The following CCSER1 variants were observed in gnomAD, a reference collection of about 807,000 sequenced individuals.
CCSER1 encodes the protein serine-rich coiled-coil domain-containing protein 1.
Under a neutral mutation model 82.0 loss-of-function variants are expected in CCSER1, and 41 were observed. The ratio of observed to expected loss-of-function variants is 0.50; its 90% CI spans 0.39 to 0.65. CCSER1 has a LOEUF of 0.65. Among genes scored for constraint, CCSER1 ranks in the 30% least tolerant of loss-of-function variants. The pLI, the probability that CCSER1 is intolerant of heterozygous loss-of-function variation, is 0.00. For synonymous variants in CCSER1, 414 were observed against 383.9 expected, an observed-to-expected ratio of 1.08 and a Z score of -0.92; for missense variants, 1,119 against 1,064.2, an observed-to-expected ratio of 1.05 and a Z score of -0.72.
intron 10 of CCSER1, among the ~76,000 whole-genome samples, chr4:91,359,548 T>C (rs1749107818): frequency 6.6e-6 from 1 of 151,852 alleles, no homozygotes; most frequent in South Asian, 2.1e-4. Context: ...CATTTTTAGG[T>C]AAATTCAAAC....
intron 10 of CCSER1, among the ~76,000 whole-genome samples, chr4:91,501,241 T>G (rs1414737381): frequency 6.6e-6 from 1 of 151,880 alleles, no homozygotes; most frequent in African/African-American, 2.4e-5. Context: ...AGAATTTCTT[T>G]TTATTTATGA....
intron 9 of CCSER1, among the ~76,000 whole-genome samples, chr4:90,934,999 A>G (rs1320063420): frequency 1.3e-5 from 2 of 151,868 alleles, no homozygotes; most frequent in African/African-American, 2.4e-5. Context: ...AACTAAACAG[A>G]CATAACGACA....
At chr4:91,178,526 CTCT>C (rs1355133472) in intron 10 of CCSER1, among the ~76,000 whole-genome samples, 2 of 152,162 alleles carry the variant, frequency 1.3e-5, no homozygotes, top group African/African-American at 4.8e-5. Context: ...GGATAGTTAG[CTCT>C]TCTTGTTGAA....
chr4:90,622,263 ATGTT>A (rs113866377), intron 5 of CCSER1, among the ~76,000 whole-genome samples: 28 of 151,978 alleles, frequency 1.8e-4, no homozygotes, highest in African/African-American at 6.8e-4. Context: ...TGGCGACCTG[ATGTT>A]TGTTTGTTTG....
intron 3 of CCSER1, among the ~76,000 whole-genome samples, chr4:90,378,916 G>T (rs1161515609): frequency 3.3e-5 from 5 of 152,016 alleles, no homozygotes; most frequent in African/African-American, 1.2e-4. Context: ...CTCAGTTCTT[G>T]CCACATCCCA....
At chr4:90,562,922 C>G (rs956013691) in intron 5 of CCSER1, among the ~76,000 whole-genome samples, 2 of 149,316 alleles carry the variant, frequency 1.3e-5, no homozygotes, top group African/African-American at 4.9e-5. Flanking sequence ...TACTCCAAAT[C>G]TGAGGCAAAG....
chr4:90,600,233 G>T (rs965811663), intron 5 of CCSER1, among the ~76,000 whole-genome samples: 1 of 152,140 alleles, frequency 6.6e-6, no homozygotes, highest in African/African-American at 2.4e-5. Flanking sequence ...GGACTGAAAT[G>T]ATATGGTCAG....
At chr4:90,513,710 T>C (rs1771868390) in intron 5 of CCSER1, among the ~76,000 whole-genome samples, 1 of 151,726 alleles carries the variant, frequency 6.6e-6, no homozygotes, top group Non-Finnish European at 1.5e-5. Context: ...AGATGAAGAG[T>C]TCATAATTCT....
At chr4:91,505,638 T>C (rs1759444377) in intron 10 of CCSER1, among the ~76,000 whole-genome samples, 1 of 152,204 alleles carries the variant, frequency 6.6e-6, no homozygotes, top group Admixed American at 6.5e-5. Flanking sequence ...ATCACCATTC[T>C]GACTGACATG....
intron 10 of CCSER1, among the ~76,000 whole-genome samples, chr4:91,162,957 T>G (rs985664705): frequency 2.0e-5 from 3 of 152,178 alleles, no homozygotes; most frequent in African/African-American, 7.2e-5. Flanking sequence ...TCTTAGTTAT[T>G]TTTTGCCTTC....
chr4:91,548,051 A>C (rs990572741), intron 10 of CCSER1, among the ~76,000 whole-genome samples: 3 of 152,174 alleles, frequency 2.0e-5, no homozygotes, highest in African/African-American at 7.2e-5. Flanking sequence ...CTAAAATCCA[A>C]GTGCTAAGAT....
intron 5 of CCSER1, among the ~76,000 whole-genome samples, chr4:90,602,282 T>G (rs1051427331): frequency 2.0e-5 from 3 of 152,182 alleles, no homozygotes; most frequent in African/African-American, 7.2e-5. Flanking sequence ...TCTTTATACC[T>G]GGTAATATTC....
intron 5 of CCSER1, among the ~76,000 whole-genome samples, chr4:90,509,081 A>G (rs1012675725): frequency 2.6e-5 from 4 of 152,116 alleles, no homozygotes; most frequent in Admixed American, 2.0e-4. Flanking sequence ...TCAGGTGGAA[A>G]TCGCAATCAT....
At chr4:90,232,105 A>G (rs1456784905) in intron 1 of CCSER1, among the ~76,000 whole-genome samples, 2 of 152,224 alleles carry the variant, frequency 1.3e-5, no homozygotes, top group African/African-American at 2.4e-5. Flanking sequence ...CTTTCTTCAC[A>G]GAATTGGAAA....
chr4:90,782,991 T>A (rs1380294743), intron 7 of CCSER1, among the ~76,000 whole-genome samples: 1 of 152,028 alleles, frequency 6.6e-6, no homozygotes, highest in Non-Finnish European at 1.5e-5. Flanking sequence ...TGGAGTGCAG[T>A]GGTGCAATTT....
intron 3 of CCSER1, among the ~76,000 whole-genome samples, chr4:90,394,278 A>G (rs527633496): frequency 1.3e-5 from 2 of 152,188 alleles, no homozygotes; most frequent in East Asian, 3.9e-4. Flanking sequence ...TATAAGATAT[A>G]TGAGGAGAGA....
At chr4:91,424,760 A>C (rs1298101778) in intron 10 of CCSER1, among the ~76,000 whole-genome samples, 1 of 152,130 alleles carries the variant, frequency 6.6e-6, no homozygotes, top group Non-Finnish European at 1.5e-5. Flanking sequence ...TAAGAGTAAA[A>C]TATGCCTTAT....
At chr4:91,310,851 T>G (rs1745421014) in intron 10 of CCSER1, among the ~76,000 whole-genome samples, 1 of 151,868 alleles carries the variant, frequency 6.6e-6, no homozygotes, top group Non-Finnish European at 1.5e-5. Context: ...ACTTTTTTTG[T>G]GATTTTTTTT....
chr4:91,571,030 GTC>G (rs1480691317), intron 10 of CCSER1, among the ~76,000 whole-genome samples: 2 of 152,084 alleles, frequency 1.3e-5, no homozygotes, highest in African/African-American at 4.8e-5. Context: ...AATTCCACCA[GTC>G]TCTTTAATAA....
Sources: allele counts gnomAD v4.1 joint callset (sites outside exome capture counted in the v4.1 genomes callset), GRCh38; gene constraint gnomAD v4.1.1; transcripts MANE v1.5; gene names NCBI Gene and HGNC (gene_info 2026-07-23, HGNC 2026-07-21).